AGO3: variants seen among roughly 807,000 people sequenced by gnomAD.
AGO3 encodes the protein argonaute RISC catalytic component 3, also known as protein argonaute-3.
In AGO3, 16 loss-of-function variants were observed where a neutral mutation model predicts 105.5. The ratio of observed to expected loss-of-function variants is 0.15; its 90% CI spans 0.10 to 0.23. AGO3 has a LOEUF of 0.23. Ranked by LOEUF, AGO3 falls within the 10% of genes least tolerant of loss-of-function variation. AGO3 has a pLI of 1.00. For missense variants in AGO3, 534 were observed against 1,088.0 expected (o/e 0.49, Z 7.16); for synonymous variants, 340 against 367.3 (o/e 0.93, Z 0.85).
intron 11 of AGO3, among the ~76,000 whole-genome samples, chr1:36,017,895 C>T (rs1157112114): frequency 6.6e-6 from 1 of 151,938 alleles, no homozygotes; most frequent in Non-Finnish European, 1.5e-5. Flanking sequence ...AGAGCCAGAC[C>T]CTGTCTCCAA....
At chr1:35,970,575 A>G (rs1049551902) in intron 3 of AGO3, among the ~76,000 whole-genome samples, 2 of 152,018 alleles carry the variant, frequency 1.3e-5, no homozygotes, top group East Asian at 1.9e-4. Context: ...AATTAAGACT[A>G]TTGTCAGTAT....
chr1:36,072,394 T>C lies in AGO3; in HGVS notation c.*16649T>C, dbSNP rs1179711771. The C allele has an allele frequency of 6.6e-6, 1 of 152,248 alleles. No homozygotes were observed. Among genetic ancestry groups the C allele is most frequent in the African/African-American group, 2.4e-5 (1 of 41,472 alleles). The allele number at this position is 152,248 out of a possible 1,614,324, so 9.4% of individuals were successfully genotyped here. On this transcript the variant is annotated 3_prime_UTR_variant, in exon 19 of 19. Transcript: ENST00000373191. ...GGAGAGTTCTATGTTGTATTTGTTTTTAATCCTTGATTTTAAAAATATTAA... is the reference window on the plus strand; with the variant it reads ...GGAGAGTTCTATGTTGTATTTGTTTCTAATCCTTGATTTTAAAAATATTAA...
At chr1:36,006,576 CT>C (rs1170173300) in intron 6 of AGO3, among the ~76,000 whole-genome samples, 1 of 151,990 alleles carries the variant, frequency 6.6e-6, no homozygotes, top group Admixed American at 6.6e-5. Flanking sequence ...GTGTTCTCCC[CT>C]GAACATAATA....
rs1388032385 is a variant in AGO3, at chr1:36,071,127, A to G, written c.*15382A>G. ...TCTAGAGAACACTTCTGTTATACAC[A>G]ATGCACATACAAACATACACCCCTA... On this transcript the variant is annotated 3_prime_UTR_variant, in exon 19 of 19. Coordinates refer to ENST00000373191, the MANE Select transcript of AGO3 (RefSeq NM_024852.4). 6.6e-6 allele frequency: 1 copy of G among 152,228 alleles called. No individual in the cohort carries two copies. The highest frequency in any genetic ancestry group is 1.5e-5 in the Non-Finnish European group (1 of 68,040). The allele number at this position is 152,228 out of a possible 1,614,324, so 9.4% of individuals were successfully genotyped here.
intron 5 of AGO3, among the ~76,000 whole-genome samples, chr1:35,978,950 T>C (rs1350782171): frequency 2.0e-5 from 3 of 152,192 alleles, no homozygotes; most frequent in Non-Finnish European, 4.4e-5. Context: ...ACTCCACAAA[T>C]TTCATTTGTA....
chr1:35,988,999 C>T (rs956342743), intron 5 of AGO3, among the ~76,000 whole-genome samples: 6 of 152,138 alleles, frequency 3.9e-5, no homozygotes, highest in Non-Finnish European at 8.8e-5. Context: ...AAGCCTTGTA[C>T]GTGGTATATG....
rs1332799024 is a variant in AGO3, at chr1:35,961,799, TA to T, written c.192-5155del. ...AGTGGATTATCTGAGTACTTAAATATATGCAACCTCAGTTTTTTACTTTTGA... is the reference window on the plus strand; with the variant it reads ...AGTGGATTATCTGAGTACTTAAATATTGCAACCTCAGTTTTTTACTTTTGA... On this transcript the variant is annotated intron_variant, in intron 2 of 18. Transcript: ENST00000373191. Among the ~76,000 whole-genome samples, 3 of 152,214 alleles carry T rather than the reference TA, an allele frequency of 2.0e-5. No homozygotes were observed. In the East Asian group the frequency reaches 5.8e-4, roughly 29 times the overall value.
At chr1:35,993,800 T>C (rs1244558206) in intron 5 of AGO3, among the ~76,000 whole-genome samples, 2 of 125,006 alleles carry the variant, frequency 1.6e-5, no homozygotes, top group Non-Finnish European at 3.1e-5. Context: ...CAGGCTGGAG[T>C]GCAATGGTGA....
intron 5 of AGO3, among the ~76,000 whole-genome samples, chr1:35,983,612 C>A (rs1368834571): frequency 1.3e-5 from 2 of 151,776 alleles, no homozygotes. Context: ...AAAAGAAAAA[C>A]AACCCTCCAC....
intron 2 of AGO3, among the ~76,000 whole-genome samples, chr1:35,961,289 G>T (rs1646671894): frequency 6.6e-6 from 1 of 151,972 alleles, no homozygotes; most frequent in Non-Finnish European, 1.5e-5. Context: ...TACTATAAGA[G>T]GGTATCGCGG....
rs1429453507 is a variant in AGO3 at position 36,072,290 on chromosome 1, C to T, written c.*16545C>T. 2.6e-5 allele frequency: 4 copies of T among 152,182 alleles called. No homozygotes were observed. The highest frequency in any genetic ancestry group is 9.6e-5 in the African/African-American group (4 of 41,452). 9.4% of individuals were successfully genotyped at this position (152,182 alleles called of 1,614,324 possible). On this transcript the variant is annotated 3_prime_UTR_variant, in exon 19 of 19. Coordinates refer to ENST00000373191, the MANE Select transcript of AGO3 (RefSeq NM_024852.4). ...TAACAACAACAACAAAAGAAATTGT[C>T]ATGATTCTTTCTGAGCCAAACTGTC... is the stretch of plus-strand genomic sequence containing the variant.
At chr1:35,997,822 G>A (rs540305268) in intron 5 of AGO3, among the ~76,000 whole-genome samples, 3 of 151,976 alleles carry the variant, frequency 2.0e-5, no homozygotes, top group Admixed American at 6.6e-5. Flanking sequence ...TCAGCCTCCC[G>A]AGTATCCAGG....
chr1:35,977,386 T>C (rs551506134), intron 5 of AGO3, among the ~76,000 whole-genome samples: 22 of 150,786 alleles, frequency 1.5e-4, no homozygotes, highest in African/African-American at 5.4e-4. Context: ...TCTATCGTTA[T>C]TATGATTTTT....
intron 3 of AGO3, among the ~76,000 whole-genome samples, chr1:35,971,753 A>T (rs1325159077): frequency 6.6e-6 from 1 of 152,100 alleles, no homozygotes; most frequent in East Asian, 1.9e-4. Flanking sequence ...AATTTATTCC[A>T]TGGCAGTTTC....
At position 35,990,830 on chromosome 1, in the gene AGO3, A is replaced by G. The variant is rs546445008; in HGVS notation, c.659-13511A>G. ...TAAGATTGAGAAATAATTTGATTTTATAATATTCAAATTAGTCCTTTCAGA... is the reference window on the plus strand; with the variant it reads ...TAAGATTGAGAAATAATTTGATTTTGTAATATTCAAATTAGTCCTTTCAGA... On this transcript the variant is annotated intron_variant, in intron 5 of 18. Transcript: ENST00000373191. Among the ~76,000 whole-genome samples the G allele has an allele frequency of 1.4e-4, 21 of 152,346 alleles. No individual in the cohort carries two copies. The South Asian group carries it at 1.7e-3, about 12-fold the overall frequency.
In AGO3 at chr1:36,071,344, G is replaced by A. The variant is rs1643161840; in HGVS notation, c.*15599G>A. ...GCCGCCTGCAAAATGTCCTGAAGAT[G>A]GACAAATAGCCTTTTAAATTCTACT... is the stretch of plus-strand genomic sequence containing the variant. On this transcript the variant is annotated 3_prime_UTR_variant, in exon 19 of 19. Transcript: ENST00000373191. 1 of 152,108 alleles carries A rather than the reference G, an allele frequency of 6.6e-6. No individual in the cohort carries two copies. 9.4% of individuals were successfully genotyped at this position (152,108 alleles called of 1,614,324 possible). A position where few individuals can be genotyped will look rare whatever the true frequency, so the allele number is the denominator to read the frequency against.
intron 14 of AGO3, among the ~76,000 whole-genome samples, chr1:36,038,490 T>C (rs944137170): frequency 1.7e-4 from 26 of 152,038 alleles, no homozygotes; most frequent in Admixed American, 8.5e-4. Context: ...CTCCTGACCT[T>C]GTGATTCGCC....
At position 36,063,430 on chromosome 1, in the gene AGO3, G is replaced by A. The variant is rs527960487; in HGVS notation, c.*7685G>A. ...TCACATTTTTCAGCATTAGGATTAA[G>A]ATACCATTTTTGTAGGCCTGGAAAA... On this transcript the variant is annotated 3_prime_UTR_variant, in exon 19 of 19. Coordinates refer to ENST00000373191, the MANE Select transcript of AGO3 (RefSeq NM_024852.4). 5.3e-5 allele frequency: 8 copies of A among 152,076 alleles called. No individual in the cohort carries two copies. The East Asian group carries it at 1.3e-3, about 26-fold the overall frequency. 9.4% of individuals were successfully genotyped at this position (152,076 alleles called of 1,614,324 possible). A position where few individuals can be genotyped will look rare whatever the true frequency, so the allele number is the denominator to read the frequency against.
At chr1:36,017,760 G>A (rs917548543) in intron 11 of AGO3, among the ~76,000 whole-genome samples, 15 of 151,828 alleles carry the variant, frequency 9.9e-5, no homozygotes, top group East Asian at 2.0e-4. Context: ...AAAATAATCC[G>A]AGCACAGTGG....
Sources: allele counts gnomAD v4.1 joint callset (sites outside exome capture counted in the v4.1 genomes callset), GRCh38; gene constraint gnomAD v4.1.1; transcripts MANE v1.5; gene names NCBI Gene and HGNC (gene_info 2026-07-23, HGNC 2026-07-21).